The following ASAH1 variants were observed in gnomAD, a reference collection of about 807,000 sequenced individuals.
ASAH1 encodes the protein N-acylsphingosine amidohydrolase 1.
ASAH1 carries 70 observed loss-of-function variants against 59.5 expected under a neutral mutation model. The observed-to-expected ratio is 1.18, with a 90% CI of 0.97 to 1.43. ASAH1 has a LOEUF of 1.43. Ranked by LOEUF, ASAH1 falls within the 40% of genes most tolerant of loss-of-function variation. The pLI is 0.00. For missense variants in ASAH1, 660 were observed against 482.5 expected (o/e 1.37, Z -3.45); for synonymous variants, 213 against 166.5 (o/e 1.28, Z -2.15).
At chr8:18,080,932 T>C (rs1046146364) in intron 1 of ASAH1, among the ~76,000 whole-genome samples, 1 of 152,122 alleles carries the variant, frequency 6.6e-6, no homozygotes, top group Non-Finnish European at 1.5e-5. Flanking sequence ...TTTGCCTAGT[T>C]CTCTTTTCTT....
intron 1 of ASAH1, among the ~76,000 whole-genome samples, chr8:18,081,783 T>C (rs1297302753): frequency 2.0e-5 from 3 of 152,380 alleles, no homozygotes; most frequent in South Asian, 4.1e-4. Flanking sequence ...CATGAGGCTA[T>C]AGTTTATCAT....
intron 1 of ASAH1, among the ~76,000 whole-genome samples, chr8:18,078,467 C>T (rs536459091): frequency 1.3e-5 from 2 of 152,102 alleles, no homozygotes; most frequent in African/African-American, 4.8e-5. Context: ...AGAAAGTTGG[C>T]AGCTATGAGA....
Position 18,078,790 on chromosome 8 carries a change from T to C in ASAH1, c.79-3203A>G, listed in dbSNP as rs1210390511. On this transcript the variant is annotated intron_variant, in intron 1 of 13. Coordinates refer to ENST00000637790, the MANE Select transcript of ASAH1 (RefSeq NM_177924.5). ...ACAGATGATAAGAAGAGAGATTATG[T>C]GGTCTGGATGGTATACTATGTACAC... Among the ~76,000 whole-genome samples the C allele has an allele frequency of 2.0e-5, 3 of 152,146 alleles. No individual in the cohort carries two copies. In the East Asian group the frequency reaches 5.8e-4, roughly 29 times the overall value.
At chr8:18,077,197 T>G (rs1389519289) in intron 1 of ASAH1, among the ~76,000 whole-genome samples, 1 of 152,180 alleles carries the variant, frequency 6.6e-6, no homozygotes. Flanking sequence ...CAAGAGCAAA[T>G]GAAGCTCATG....
chr8:18,084,144 C>T, upstream of ASAH1: 2 of 1,567,062 alleles, frequency 1.3e-6, no homozygotes, highest in Admixed American at 1.8e-5. Context: ...GCCCCCTCCG[C>T]CGCGTGACCC....
chr8:18,058,795 T>C, intron 13 of ASAH1, 40 bp downstream of exon 13: 1 of 1,553,402 alleles, frequency 6.4e-7, no homozygotes. Flanking sequence ...GGCCAAATTC[T>C]TTCCCTAAAA....
chr8:18,059,758 A>T, intron 10 of ASAH1, 55 bp from the exon 11 acceptor site: 6 of 1,480,312 alleles, frequency 4.1e-6, no homozygotes, highest in Non-Finnish European at 5.5e-6. Flanking sequence ...TTTAGTAAAT[A>T]ACTTCATTTA....
intron 6 of ASAH1, 90 bp from the exon 7 acceptor site, chr8:18,063,320 T>G: frequency 7.9e-7 from 1 of 1,261,396 alleles, no homozygotes; most frequent in South Asian, 1.2e-5. Flanking sequence ...TAATTTATTT[T>G]TGAGACAGAG....
chr8:18,078,688 G>A (rs1481622169), intron 1 of ASAH1, among the ~76,000 whole-genome samples: 1 of 152,064 alleles, frequency 6.6e-6, no homozygotes, highest in African/African-American at 2.4e-5. Flanking sequence ...CTATCCCCAA[G>A]TTTATAAACA....
rs781515666 is a variant in ASAH1, at chr8:18,062,285, G to A, written c.642C>T (p.Phe214=). 15 of 1,614,164 alleles carry A rather than the reference G, an allele frequency of 9.3e-6. No homozygotes were observed. The South Asian group carries it at 1.2e-4, about 13-fold the overall frequency. Residue 214 remains phenylalanine, a synonymous_variant, in exon 8 of 14, where the codon TTC becomes TTT. Coordinates refer to ENST00000637790, the MANE Select transcript of ASAH1 (RefSeq NM_177924.5). ...FAGYVGMLTG[F]KPGLFSLTLN... is the part of the protein sequence containing the mutation. Reference sequence around the variant, plus strand: ...GTAACAACAGACTCCTTACTGGTTTGAATCCTGTTAACATGCCCACATAGC... The same window carrying A: ...GTAACAACAGACTCCTTACTGGTTTAAATCCTGTTAACATGCCCACATAGC...
rs972314904 is a variant in ASAH1 at position 18,070,030 on chromosome 8, G to T, written c.217-152C>A. The T allele has an allele frequency of 9.2e-6, 5 of 542,966 alleles. No individual in the cohort carries two copies. The Admixed American group carries it at 1.6e-4, about 17-fold the overall frequency. 33.6% of individuals were successfully genotyped at this position (542,966 alleles called of 1,614,324 possible). ...GCATCTCGCTCTGTCACCCAGGCTG[G>T]AGTGCAGTAGCACCATCTCGGCTCA... On this transcript the variant is annotated intron_variant, in intron 3 of 13. Coordinates refer to ENST00000637790, the MANE Select transcript of ASAH1 (RefSeq NM_177924.5).
chr8:18,071,625 T>C (rs770926309), intron 2 of ASAH1, among the ~76,000 whole-genome samples: 2 of 152,186 alleles, frequency 1.3e-5, no homozygotes, highest in Non-Finnish European at 2.9e-5. Flanking sequence ...GGAAGGTTCA[T>C]GTGAATTGGT....
chr8:18,060,701 C>G (rs575877789), intron 10 of ASAH1: 3 of 152,282 alleles, frequency 2.0e-5, no homozygotes, highest in Non-Finnish European at 4.4e-5. Context: ...ATTTCTATAC[C>G]AAGGCAAGAT....
chr8:18,063,107 A>G, intron 7 of ASAH1, 78 bp downstream of exon 7: 4 of 1,364,728 alleles, frequency 2.9e-6, no homozygotes, highest in Non-Finnish European at 4.2e-6. Flanking sequence ...TGACCTCGTG[A>G]TCCACCCGTG....
At chr8:18,060,228 G>A (rs1588975517) in intron 10 of ASAH1, 1 of 159,052 alleles carries the variant, frequency 6.3e-6, no homozygotes, top group East Asian at 1.9e-4. Context: ...CTTGGCACAA[G>A]CGATACTCTT....
Position 18,064,525 on chromosome 8 carries a change from A to G in ASAH1, c.389T>C (p.Ile130Thr). The G allele has an allele frequency of 6.5e-7, 1 of 1,528,256 alleles. No individual in the cohort carries two copies. The highest frequency in any genetic ancestry group is 9.0e-7 in the Non-Finnish European group (1 of 1,108,502). 94.7% of individuals were successfully genotyped at this position (1,528,256 alleles called of 1,614,324 possible). ...AAVTDIPLGE[I>T]ISFNIFYELF... ...TTCATAAAAAATATTGAATGAAATA[A>G]TCTCTCCTATGAGAAAAGAAAATTT... is the stretch of plus-strand genomic sequence containing the variant. The change falls in exon 6 of 14, where the codon ATT becomes ACT. Residue 130 changes from isoleucine (I) to threonine (T), a missense_variant. Coordinates refer to ENST00000637790, the MANE Select transcript of ASAH1 (RefSeq NM_177924.5).
chr8:18,067,149 A>ACAGCACCTGAGC, intron 5 of ASAH1, 71 bp downstream of exon 5: 1 of 1,376,966 alleles, frequency 7.3e-7, no homozygotes, highest in Non-Finnish European at 1.0e-6. Flanking sequence ...CTGTATGTAT[A>ACAGCACCTGAGC]TCACACCTCA....
At chr8:18,070,584 G>C (rs1040893344) in intron 3 of ASAH1, among the ~76,000 whole-genome samples, 4 of 152,148 alleles carry the variant, frequency 2.6e-5, no homozygotes, top group Non-Finnish European at 5.9e-5. Flanking sequence ...CACCGTGCCT[G>C]GCCTCGATTA....
At chr8:18,061,531 C>A in intron 9 of ASAH1, 73 bp from the exon 10 acceptor site, 1 of 1,455,544 alleles carries the variant, frequency 6.9e-7, no homozygotes, top group Non-Finnish European at 9.7e-7. Flanking sequence ...CCGGAAGAGG[C>A]TGGACTATAT....
Sources: allele counts gnomAD v4.1 joint callset (sites outside exome capture counted in the v4.1 genomes callset), GRCh38; gene constraint gnomAD v4.1.1; transcripts MANE v1.5; gene names NCBI Gene and HGNC (gene_info 2026-07-23, HGNC 2026-07-21).